Variants in VPS9D1 observed in about 807,000 individuals in gnomAD.
The protein encoded by VPS9D1 is VPS9 domain containing 1.
Under a neutral mutation model 75.8 loss-of-function variants are expected in VPS9D1, and 78 were observed. The ratio of observed to expected loss-of-function variants is 1.03; its 90% CI spans 0.86 to 1.24. The LOEUF (loss-of-function observed/expected upper bound fraction) is 1.24. Among genes scored for constraint, VPS9D1 ranks in the 50% most tolerant of loss-of-function variants. The probability of loss-of-function intolerance (pLI) is 0.00; values close to 1 mark genes in which losing one functional copy is unlikely to be tolerated. For missense variants in VPS9D1, 1,057 were observed against 847.7 expected (o/e 1.25, Z -3.07); for synonymous variants, 481 against 385.6 (o/e 1.25, Z -2.90).
Position 89,707,953 on chromosome 16 carries a change from AC to A in VPS9D1, c.1803del (p.Tyr602ThrfsTer2). ...CAGTAGCCCTCCTCTCCGATCAGGT[AC>A]CTGCATGGATGGCAGGGGCAGCCGG... ...CAALEEFIHEGYLIGEEGYCL... is the reference protein window; with the variant it reads ...CAALEEFIHEXYLIGEEGYCL... On this transcript the variant is annotated frameshift_variant and splice_region_variant, in exon 15 of 15. Transcript: ENST00000389386. LOFTEE classifies it high-confidence loss of function. 1 of 1,612,828 alleles carries A rather than the reference AC, an allele frequency of 6.2e-7. No homozygotes were observed. The highest frequency in any genetic ancestry group is 8.5e-7 in the Non-Finnish European group (1 of 1,179,878).
intron 1 of VPS9D1, 107 bp downstream of exon 1, chr16:89,720,656 C>A (rs930102337): frequency 1.6e-6 from 2 of 1,234,736 alleles, no homozygotes; most frequent in Non-Finnish European, 2.0e-6. Context: ...GGCTGGCGCC[C>A]GCTCCCAAGT....
At position 89,711,523 on chromosome 16, in the gene VPS9D1, G is replaced by A. The variant is rs1036356184; in HGVS notation, c.748-111C>T. ...AGACTGTGGGAGCCCGTCCTGGGGT[G>A]CAGGAGACCCAGCGCCAGCAGGCCC... On this transcript the variant is annotated intron_variant, in intron 8 of 14. Coordinates refer to ENST00000389386, the MANE Select transcript of VPS9D1 (RefSeq NM_004913.3). 4.6e-6 allele frequency: 5 copies of A among 1,081,684 alleles called. No individual in the cohort carries two copies. In the East Asian group the frequency reaches 1.3e-4, roughly 29 times the overall value. 67.0% of individuals were successfully genotyped at this position (1,081,684 alleles called of 1,614,324 possible).
At chr16:89,710,530 C>G in intron 10 of VPS9D1, 56 bp downstream of exon 10, 3 of 1,522,586 alleles carry the variant, frequency 2.0e-6, no homozygotes, top group Non-Finnish European at 2.7e-6. Context: ...TTGAAACGGA[C>G]CAATAAGCAG....
intron 1 of VPS9D1, chr16:89,720,540 G>A (rs1217169735): frequency 4.3e-6 from 5 of 1,170,026 alleles, no homozygotes; most frequent in African/African-American, 1.6e-5. Flanking sequence ...GGCTCAGCGA[G>A]CGGAGTGGAA....
Position 89,720,751 on chromosome 16 carries a change from GC to G in VPS9D1, c.99+11del. The G allele has an allele frequency of 7.0e-7, 1 of 1,438,306 alleles. No individual in the cohort carries two copies. 89.1% of individuals were successfully genotyped at this position (1,438,306 alleles called of 1,614,324 possible). On this transcript the variant is annotated intron_variant, in intron 1 of 14. Transcript: ENST00000389386. ...CCCTCAGCGGCCAAGCCCCGCCCCC[GC>G]CCCGCCTCACCCGGGGCCGGTTGCC...
rs183548393 is a variant in VPS9D1, at chr16:89,719,174, C to T, written c.100-72G>A. The T allele has an allele frequency of 1.7e-5, 24 of 1,436,212 alleles. No homozygotes were observed. In the Admixed American group the frequency reaches 3.7e-4, roughly 22 times the overall value. The allele number at this position is 1,436,212 out of a possible 1,614,324, so 89.0% of individuals were successfully genotyped here. The stretch of plus-strand genomic sequence containing the variant: ...GTGACTCCATTATTCCGGCCAGGTG[C>T]CCTTGTGGGATAAGCAAGGAACACC... On this transcript the variant is annotated intron_variant, in intron 1 of 14. Transcript: ENST00000389386.
At chr16:89,708,377 G>C (rs1429736377) in intron 14 of VPS9D1, 50 bp downstream of exon 14, 24 of 1,529,460 alleles carry the variant, frequency 1.6e-5, no homozygotes, top group Non-Finnish European at 2.1e-5. Flanking sequence ...TGAGGGATGA[G>C]GTCCCTGCTC....
Position 89,709,345 on chromosome 16 carries a change from C to T in VPS9D1, c.1479G>A (p.Lys493=), listed in dbSNP as rs1289388533. 4 of 1,590,662 alleles carry T rather than the reference C, an allele frequency of 2.5e-6. No homozygotes were observed. The highest frequency in any genetic ancestry group is 3.4e-6 in the Non-Finnish European group (4 of 1,171,204). Reference sequence around the variant, plus strand: ...TGGCCTCAGGGTTCTGGGGGAGGAGCTTGGTGGGGATGCCAATGGCGGTGG... The same window carrying T: ...TGGCCTCAGGGTTCTGGGGGAGGAGTTTGGTGGGGATGCCAATGGCGGTGG... ...APPTAIGIPT[K]LLPQNPEAKG... Residue 493 remains lysine (K), a synonymous_variant, in exon 12 of 15, where the codon AAG becomes AAA. Coordinates refer to ENST00000389386, the MANE Select transcript of VPS9D1 (RefSeq NM_004913.3).
intron 1 of VPS9D1, 87 bp downstream of exon 1, chr16:89,720,676 G>C: frequency 7.9e-7 from 1 of 1,271,298 alleles, no homozygotes; most frequent in Non-Finnish European, 9.9e-7. Flanking sequence ...TCTCCAGCCC[G>C]AGCCGGCCCC....
chr16:89,712,247 G>T, intron 6 of VPS9D1, 148 bp from the exon 7 acceptor site: 3 of 1,365,946 alleles, frequency 2.2e-6, no homozygotes, highest in Non-Finnish European at 3.0e-6. Context: ...GCAGAAGGCA[G>T]CCTGCGCTCA....
intron 10 of VPS9D1, 34 bp from the exon 11 acceptor site, chr16:89,709,940 G>T: frequency 1.3e-6 from 2 of 1,569,172 alleles, no homozygotes; most frequent in South Asian, 2.4e-5. Flanking sequence ...GTCCACAGAG[G>T]CTCCTCCCCT....
chr16:89,719,457 C>A (rs577506027), intron 1 of VPS9D1: 26 of 433,278 alleles, frequency 6.0e-5, no homozygotes, highest in African/African-American at 4.8e-4. Flanking sequence ...AGTTTGCTGT[C>A]ATTTTTCATT....
intron 8 of VPS9D1, 55 bp from the exon 9 acceptor site, chr16:89,711,467 C>G: frequency 1.3e-6 from 2 of 1,501,380 alleles, no homozygotes; most frequent in Non-Finnish European, 1.8e-6. Context: ...CGACCGGACG[C>G]GCCTCATCTC....
intron 4 of VPS9D1, among the ~76,000 whole-genome samples, chr16:89,714,503 G>A (rs35699836): frequency 0.042 from 6,427 of 152,286 alleles, 185 homozygotes; most frequent in South Asian, 0.084. Context: ...GACAATGGAG[G>A]ACAAGGAGGA....
intron 2 of VPS9D1, chr16:89,717,609 C>T (rs566412348): frequency 4.4e-6 from 2 of 456,536 alleles, no homozygotes; most frequent in East Asian, 7.0e-5. Context: ...CCCATTTTCT[C>T]ATCCCGCCCC....
rs746286537 is a variant in VPS9D1, at chr16:89,712,613, T to A, written c.535A>T (p.Thr179Ser). The stretch of plus-strand genomic sequence containing the variant: ...CCCTAGCCCCCACTCACCAGGGATG[T>A]CTTCTGCATGGCCTGGCTGGGGTCT... ...RLDPSQAMQK[T>S]SLTLSLQRQM... The change falls in exon 5 of 15, where the codon ACA becomes TCA. Residue 179 changes from threonine to serine, a missense_variant. Coordinates refer to ENST00000389386, the MANE Select transcript of VPS9D1 (RefSeq NM_004913.3). 6.2e-7 allele frequency: 1 copy of A among 1,609,144 alleles called. No homozygotes were observed. Among genetic ancestry groups the A allele is most frequent in the South Asian group, 1.1e-5 (1 of 90,952 alleles).
intron 2 of VPS9D1, 150 bp from the exon 3 acceptor site, chr16:89,716,972 C>CTT: frequency 1.6e-6 from 1 of 627,992 alleles, no homozygotes; most frequent in East Asian, 3.4e-5. Flanking sequence ...CCCCCCATCC[C>CTT]CTCACTGACC....
At chr16:89,719,199 C>T (rs759058204) in intron 1 of VPS9D1, 97 bp from the exon 2 acceptor site, 5 of 1,103,076 alleles carry the variant, frequency 4.5e-6, no homozygotes, top group Non-Finnish European at 6.9e-6. Context: ...CAAGGAACAC[C>T]ACCACCTGCT....
chr16:89,710,994 T>C lies in VPS9D1; in HGVS notation c.850A>G (p.Ile284Val), dbSNP rs1336381229. ...TGCAGCCGCCTCAGGAGCTGCGCGA[T>C]CGGGTGGTCGGGGAGGCTGCGGGAG... ...SHLLSLPDHP[I>V]AQLLRRLQCS... Residue 284 changes from isoleucine (I) to valine (V), a missense_variant, in exon 10 of 15, where the codon ATC (isoleucine) becomes GTC (valine). Transcript: ENST00000389386. 1.9e-5 allele frequency: 28 copies of C among 1,439,100 alleles called. No homozygotes were observed. The highest frequency in any genetic ancestry group is 4.9e-4 in the Middle Eastern group (2 of 4,122). 89.1% of individuals were successfully genotyped at this position (1,439,100 alleles called of 1,614,324 possible).
Sources: gnomAD v4.1 joint callset for allele counts (sites outside exome capture counted in the v4.1 genomes callset) on GRCh38, gnomAD v4.1.1 for gene constraint, MANE v1.5 for transcripts, NCBI Gene and HGNC (gene_info 2026-07-23, HGNC 2026-07-21) for gene names.